Variants in TUBGCP4 observed in about 807,000 individuals in gnomAD.
TUBGCP4 encodes tubulin gamma complex component 4.
Under a neutral mutation model 91.6 loss-of-function variants are expected in TUBGCP4, and 54 were observed. The ratio of observed to expected loss-of-function variants is 0.59; its 90% CI spans 0.47 to 0.74. The LOEUF is 0.74. Among genes scored for constraint, TUBGCP4 ranks in the 30% least tolerant of loss-of-function variants. The pLI is 0.00. For synonymous variants in TUBGCP4, 297 were observed against 302.8 expected (o/e 0.98, Z 0.20); for missense variants, 593 against 800.9 (o/e 0.74, Z 3.13).
intron 7 of TUBGCP4, chr15:43,385,351 T>C (rs1342344977): frequency 1.1e-5 from 5 of 455,834 alleles, no homozygotes; most frequent in Non-Finnish European, 2.2e-5. Context: ...ATTAAAACTA[T>C]CTGTTACACT....
At chr15:43,379,826 A>C in intron 5 of TUBGCP4, among the ~76,000 whole-genome samples, 1 of 152,182 alleles carries the variant, frequency 6.6e-6, no homozygotes, top group East Asian at 1.9e-4. Context: ...TTTACTGTGC[A>C]TTAGAATCAC....
In TUBGCP4 at chr15:43,377,070, A is replaced by G. The variant is rs1376036721; in HGVS notation, c.384+3A>G. 2.5e-6 allele frequency: 4 copies of G among 1,611,340 alleles called. No homozygotes were observed. Among genetic ancestry groups the G allele is most frequent in the South Asian group, 1.1e-5 (1 of 90,994 alleles). ...ATGTCAACTACTTCCTAGACCAGGT[A>G]TGCTGCCCAAATAACCAAATGCCTT... On this transcript the variant is annotated splice_donor_region_variant and intron_variant, in intron 4 of 17. Transcript: ENST00000564079.
intron 12 of TUBGCP4, 140 bp downstream of exon 12, chr15:43,397,461 GAAGAA>G: frequency 1.5e-6 from 1 of 668,716 alleles, no homozygotes; most frequent in South Asian, 1.8e-5. Flanking sequence ...ATTCTATAGA[GAAGAA>G]AAGGAAAGTC....
At position 43,386,725 on chromosome 15, in the gene TUBGCP4, CAAAAAAAAAAAAAAA is replaced by C. The variant is rs10718458; in HGVS notation, c.1014+405_1014+419del. 4.5e-5 allele frequency among the ~76,000 whole-genome samples: 3 copies of C among 67,022 alleles called. No homozygotes were observed. The East Asian group carries it at 1.4e-3, about 31-fold the overall frequency. 44.0% of individuals were successfully genotyped at this position (67,022 alleles called of 152,430 possible). On this transcript the variant is annotated intron_variant, in intron 9 of 17. Coordinates refer to ENST00000564079, the MANE Select transcript of TUBGCP4 (RefSeq NM_014444.5). ...GGGCAACAGAGCAAGACTCTGTCTC[CAAAAAAAAAAAAAAA>C]AAAAAAAAAGACACTGAGTTACTTG...
intron 9 of TUBGCP4, among the ~76,000 whole-genome samples, chr15:43,393,703 T>A (rs545309760): frequency 2.0e-5 from 3 of 152,150 alleles, no homozygotes; most frequent in African/African-American, 7.2e-5. Context: ...GGTGTTTGGT[T>A]TTTTGTCCTT....
chr15:43,380,219 AC>A, intron 6 of TUBGCP4, 56 bp downstream of exon 6: 4 of 1,432,452 alleles, frequency 2.8e-6, no homozygotes, highest in Non-Finnish European at 3.9e-6. Flanking sequence ...AAATTATTTG[AC>A]TTCTCACATG....
At chr15:43,392,120 A>ACACACACG (rs1555395402) in intron 9 of TUBGCP4, among the ~76,000 whole-genome samples, 1 of 146,096 alleles carries the variant, frequency 6.8e-6, no homozygotes, top group South Asian at 2.1e-4. Context: ...ACACACACAC[A>ACACACACG]TATTTTTTTT....
chr15:43,373,496 T>TACATGTG (rs1442087619), intron 1 of TUBGCP4, among the ~76,000 whole-genome samples: 1 of 152,228 alleles, frequency 6.6e-6, no homozygotes, highest in African/African-American at 2.4e-5. Flanking sequence ...TACACATGTA[T>TACATGTG]TAACTTATTT....
Position 43,376,092 on chromosome 15 carries a change from C to T in TUBGCP4, c.79-6C>T, listed in dbSNP as rs1369399252. ...GGTGTTTTCGGCAGTGTTCCTCTTC[C>T]TGCAGGTATCGCAGGACTTCCCTTT... On this transcript the variant is annotated splice_polypyrimidine_tract_variant and splice_region_variant and intron_variant, in intron 1 of 17. Transcript: ENST00000564079. 8 of 1,613,466 alleles carry T rather than the reference C, an allele frequency of 5.0e-6. No homozygotes were observed. Among genetic ancestry groups the T allele is most frequent in the African/African-American group, 1.3e-5 (1 of 75,046 alleles).
intron 4 of TUBGCP4, 93 bp from the exon 5 acceptor site, chr15:43,377,754 G>T (rs2142773325): frequency 2.9e-6 from 3 of 1,046,522 alleles, no homozygotes; most frequent in East Asian, 4.9e-5. Context: ...TTTATCTTAA[G>T]TTGAACTATT....
intron 9 of TUBGCP4, chr15:43,391,803 C>T (rs1237248560): frequency 6.6e-6 from 1 of 152,102 alleles, no homozygotes. Flanking sequence ...GTAATTCCAG[C>T]ACTTTGGGAG....
In TUBGCP4 at chr15:43,386,345, G is replaced by GGATA; in HGVS notation, c.1014+15_1014+16insGATA. ...CTGTGGCTGAGGTTTGTGTTTCATC[G>GGATA]TATATATATATATATATATATATAT... On this transcript the variant is annotated intron_variant, in intron 9 of 17. Transcript: ENST00000564079. 3.2e-6 allele frequency: 1 copy of GGATA among 316,852 alleles called. No homozygotes were observed. Among genetic ancestry groups the GGATA allele is most frequent in the East Asian group, 8.3e-5 (1 of 12,082 alleles). 19.6% of individuals were successfully genotyped at this position (316,852 alleles called of 1,614,324 possible).
At chr15:43,392,544 G>T (rs1383193154) in intron 9 of TUBGCP4, among the ~76,000 whole-genome samples, 1 of 152,106 alleles carries the variant, frequency 6.6e-6, no homozygotes, top group Non-Finnish European at 1.5e-5. Context: ...TGTCACCCAG[G>T]CTGGAGTGCA....
intron 7 of TUBGCP4, 103 bp from the exon 8 acceptor site, chr15:43,385,688 C>G: frequency 8.1e-7 from 1 of 1,240,084 alleles, no homozygotes; most frequent in South Asian, 1.4e-5. Flanking sequence ...GAAGTCCCTG[C>G]GTCTTTATTT....
intron 9 of TUBGCP4, among the ~76,000 whole-genome samples, chr15:43,387,954 T>A (rs1371353535): frequency 1.3e-5 from 2 of 152,066 alleles, no homozygotes; most frequent in African/African-American, 2.4e-5. Flanking sequence ...GTTGAAGCAA[T>A]TCACGTGCCT....
At position 43,385,950 on chromosome 15, in the gene TUBGCP4, A is replaced by G. The variant is rs2044350239; in HGVS notation, c.883A>G (p.Arg295Gly). ...MFENQNVNLTRKGSILKNQED... is the reference protein window; with the variant it reads ...MFENQNVNLTGKGSILKNQED... ...TGAGAATCAAAATGTGAACCTGACT[A>G]GAAAAGGTAGAAATCTCCTTGTCCA... Residue 295 changes from arginine to glycine, a missense_variant, in exon 8 of 18, where the codon AGA becomes GGA. Arg to Gly is a moderately radical substitution (Grantham distance 125). Transcript: ENST00000564079. 4.3e-6 allele frequency: 7 copies of G among 1,613,906 alleles called. No individual in the cohort carries two copies. Among genetic ancestry groups the G allele is most frequent in the Non-Finnish European group, 5.9e-6 (7 of 1,179,924 alleles).
At chr15:43,374,149 A>G (rs2044167822) in intron 1 of TUBGCP4, among the ~76,000 whole-genome samples, 1 of 152,212 alleles carries the variant, frequency 6.6e-6, no homozygotes, top group Non-Finnish European at 1.5e-5. Context: ...CATATAATCC[A>G]TATTATATAT....
In TUBGCP4 at chr15:43,407,200, T is replaced by TGAA. The variant is rs2044929975; in HGVS notation, c.*1990_*1992dup. 4.2e-5 allele frequency: 25 copies of TGAA among 588,362 alleles called. No individual in the cohort carries two copies. The South Asian group carries it at 5.4e-4, about 13-fold the overall frequency. 36.4% of individuals were successfully genotyped at this position (588,362 alleles called of 1,614,324 possible). A position where few individuals can be genotyped will look rare whatever the true frequency, so the allele number is the denominator to read the frequency against. On this transcript the variant is annotated 3_prime_UTR_variant, in exon 18 of 18. Transcript: ENST00000564079. ...CTGAGATTAAGCTCAAAAAAACAGA[T>TGAA]GAAGAAATCCCAGTTACTACAACCA...
chr15:43,376,860 G>A lies in TUBGCP4; in HGVS notation c.331-154G>A, dbSNP rs978437336. ...CCCTGGCTTGGTTTCTTTATGGCCC[G>A]AAAATCAGGATTAATAACCTGATTA... On this transcript the variant is annotated intron_variant, in intron 3 of 17. Coordinates refer to ENST00000564079, the MANE Select transcript of TUBGCP4 (RefSeq NM_014444.5). Among the ~76,000 whole-genome samples, 10 of 152,228 alleles carry A rather than the reference G, an allele frequency of 6.6e-5. No homozygotes were observed. In the East Asian group the frequency reaches 1.7e-3, roughly 26 times the overall value.
Sources: gnomAD v4.1 joint callset for allele counts (sites outside exome capture counted in the v4.1 genomes callset) on GRCh38, gnomAD v4.1.1 for gene constraint, MANE v1.5 for transcripts, NCBI Gene and HGNC (gene_info 2026-07-23, HGNC 2026-07-21) for gene names.